Variants in CFTR observed in about 807,000 individuals in gnomAD.
CFTR encodes the protein CF transmembrane conductance regulator.
A neutral mutation model predicts 171.6 loss-of-function variants in CFTR; 181 were observed. The observed-to-expected ratio is 1.05, with a 90% confidence interval of 0.93 to 1.19. The LOEUF (loss-of-function observed/expected upper bound fraction) is 1.19, where lower values mean the gene tolerates loss of function less well. Ranked by LOEUF, CFTR falls within the 50% of genes most tolerant of loss-of-function variation. CFTR has a pLI of 0.00. For missense variants in CFTR, 1,968 were observed against 1,734.7 expected (o/e 1.13, Z -2.39); for synonymous variants, 583 against 608.0 (o/e 0.96, Z 0.60).
chr7:117,641,894 G>A (rs1015742444), intron 22 of CFTR, among the ~76,000 whole-genome samples: 1 of 152,162 alleles, frequency 6.6e-6, no homozygotes, highest in Non-Finnish European at 1.5e-5. Context: ...GAGTGGTAAG[G>A]CCTTCGCCCA....
chr7:117,571,199 A>G (rs1791682336), intron 11 of CFTR, among the ~76,000 whole-genome samples: 1 of 152,212 alleles, frequency 6.6e-6, no homozygotes, highest in South Asian at 2.1e-4. Flanking sequence ...GAACTTCAGA[A>G]GTGATGGGTA....
intron 11 of CFTR, among the ~76,000 whole-genome samples, chr7:117,578,075 A>G (rs1027131270): frequency 6.6e-6 from 1 of 152,158 alleles, no homozygotes; most frequent in Non-Finnish European, 1.5e-5. Flanking sequence ...ATATGTGTAT[A>G]TACATGTACA....
chr7:117,584,532 G>A (rs1791900380), intron 11 of CFTR, among the ~76,000 whole-genome samples: 1 of 151,978 alleles, frequency 6.6e-6, no homozygotes, highest in African/African-American at 2.4e-5. Context: ...TTGTCTACTT[G>A]CCTATTTGTG....
At chr7:117,523,369 GTTTTGTT>G (rs921293553) in intron 3 of CFTR, among the ~76,000 whole-genome samples, 3 of 146,578 alleles carry the variant, frequency 2.0e-5, no homozygotes, top group Non-Finnish European at 4.5e-5. Context: ...TTTTTGTTTT[GTTTTGTT>G]TTTTGTTTTT....
intron 15 of CFTR, among the ~76,000 whole-genome samples, chr7:117,601,437 A>G (rs754163935): frequency 6.6e-6 from 1 of 152,134 alleles, no homozygotes; most frequent in Non-Finnish European, 1.5e-5. Flanking sequence ...TGATATGTGA[A>G]TTTAACTAAA....
intron 7 of CFTR, among the ~76,000 whole-genome samples, chr7:117,537,050 A>G (rs1279762794): frequency 1.3e-5 from 2 of 152,184 alleles, no homozygotes; most frequent in Non-Finnish European, 2.9e-5. Context: ...ATGATTCTCT[A>G]TTATTATATC....
In CFTR at chr7:117,587,751, T is replaced by A. The variant is rs397508238; in HGVS notation, c.1597T>A (p.Phe533Ile). 6.2e-7 allele frequency: 1 copy of A among 1,606,928 alleles called. No homozygotes were observed. Among genetic ancestry groups the A allele is most frequent in the Non-Finnish European group, 8.5e-7 (1 of 1,173,804 alleles). ...TTTTTGGTAATAGGACATCTCCAAG[T>A]TTGCAGAGAAAGACAATATAGTTCT... ...ACQLEEDISK[F>I]AEKDNIVLGE... The change falls in exon 12 of 27, where the codon TTT becomes ATT. Residue 533 changes from phenylalanine to isoleucine, a missense_variant. Coordinates refer to ENST00000003084, the MANE Select transcript of CFTR (RefSeq NM_000492.4).
chr7:117,627,673 G>C lies in CFTR; in HGVS notation c.3620G>C (p.Gly1207Ala). 2 of 1,613,020 alleles carry C rather than the reference G, an allele frequency of 1.2e-6. No individual in the cohort carries two copies. Among genetic ancestry groups the C allele is most frequent in the Non-Finnish European group, 1.7e-6 (2 of 1,179,274 alleles). The stretch of plus-strand genomic sequence containing the variant: ...AAGAAAGATGACATCTGGCCCTCAG[G>C]GGGCCAAATGACTGTCAAAGATCTC... Reference protein sequence around the residue: ...HVKKDDIWPSGGQMTVKDLTA... With the variant: ...HVKKDDIWPSAGQMTVKDLTA... The change falls in exon 22 of 27, where the codon GGG becomes GCG. Residue 1207 changes from glycine to alanine, a missense_variant. Physicochemically the swap from Gly to Ala is moderately conservative, Grantham distance 60. Coordinates refer to ENST00000003084, the MANE Select transcript of CFTR (RefSeq NM_000492.4).
intron 5 of CFTR, among the ~76,000 whole-genome samples, chr7:117,534,902 T>C (rs1268911757): frequency 6.6e-6 from 1 of 152,186 alleles, no homozygotes; most frequent in African/African-American, 2.4e-5. Flanking sequence ...TTCTTTGTTC[T>C]CTCATGTTCT....
rs185887955 is a variant in CFTR, at chr7:117,538,821, G to A, written c.870-1279G>A. The stretch of plus-strand genomic sequence containing the variant: ...GCCAAAATCATAATCTGTCTTCAGT[G>A]TCAAGTTACTGAAATTGGTAAACAT... On this transcript the variant is annotated intron_variant, in intron 7 of 26. Transcript: ENST00000003084. Among the ~76,000 whole-genome samples, 7 of 152,330 alleles carry A rather than the reference G, an allele frequency of 4.6e-5. No homozygotes were observed. The East Asian group carries it at 9.6e-4, about 21-fold the overall frequency.
Position 117,534,288 on chromosome 7 carries a change from T to C in CFTR, c.502T>C (p.Ser168Pro). The change falls in exon 5 of 27, where the codon TCA becomes CCA. Residue 168 changes from serine to proline, a missense_variant. Ser to Pro is a moderately conservative substitution (Grantham distance 74). Coordinates refer to ENST00000003084, the MANE Select transcript of CFTR (RefSeq NM_000492.4). ...SLIYKKTLKLSSRVLDKISIG... is the reference protein window; with the variant it reads ...SLIYKKTLKLPSRVLDKISIG... ...ATTTTTCTTTTAGACTTTAAAGCTG[T>C]CAAGCCGTGTTCTAGATAAAATAAG... 6.3e-7 allele frequency: 1 copy of C among 1,583,692 alleles called. No individual in the cohort carries two copies. Among genetic ancestry groups the C allele is most frequent in the Non-Finnish European group, 8.7e-7 (1 of 1,153,056 alleles).
chr7:117,512,172 G>T (rs1196456943), intron 3 of CFTR, among the ~76,000 whole-genome samples: 1 of 152,026 alleles, frequency 6.6e-6, no homozygotes, highest in Admixed American at 6.5e-5. Flanking sequence ...ACTGTGAAAG[G>T]TTAAAAAAAA....
At position 117,533,456 on chromosome 7, in the gene CFTR, G is replaced by A. The variant is rs185547215; in HGVS notation, c.490-820G>A. On this transcript the variant is annotated intron_variant, in intron 4 of 26. Transcript: ENST00000003084. ...TATTTAGTTATTTATATACTAGGTC[G>A]CCTTGAAGAAGGGATTGTGTTTTCA... is the stretch of plus-strand genomic sequence containing the variant. 2.4e-4 allele frequency among the ~76,000 whole-genome samples: 36 copies of A among 152,072 alleles called. 1 individual carries two copies. Among genetic ancestry groups the A allele is most frequent in the Admixed American group, 1.5e-3 (23 of 15,260 alleles).
chr7:117,562,131 C>T (rs1236833183), intron 11 of CFTR, among the ~76,000 whole-genome samples: 4 of 152,246 alleles, frequency 2.6e-5, no homozygotes, highest in African/African-American at 9.6e-5. Context: ...CTTGTATTAT[C>T]TCCCTTTGAG....
In CFTR at chr7:117,611,781, G is replaced by A; in HGVS notation, c.3340G>A (p.Val1114Ile). 6.2e-7 allele frequency: 1 copy of A among 1,612,290 alleles called. No homozygotes were observed. Among genetic ancestry groups the A allele is most frequent in the Non-Finnish European group, 8.5e-7 (1 of 1,178,962 alleles). ...EMIFVIFFIA[V>I]TFISILTTGE... Reference sequence around the variant, plus strand: ...GATTTTTGTCATCTTCTTCATTGCTGTTACCTTCATTTCCATTTTAACAAC... The same window carrying A: ...GATTTTTGTCATCTTCTTCATTGCTATTACCTTCATTTCCATTTTAACAAC... Residue 1114 changes from valine (V) to isoleucine (I), a missense_variant, in exon 20 of 27, where the codon GTT becomes ATT. Transcript: ENST00000003084.
chr7:117,519,208 T>C (rs1249579946), intron 3 of CFTR, among the ~76,000 whole-genome samples: 1 of 152,112 alleles, frequency 6.6e-6, no homozygotes, highest in Non-Finnish European at 1.5e-5. Context: ...CTATAAACAA[T>C]TGTGGCAAAA....
chr7:117,654,261 A>G (rs933446730), intron 24 of CFTR, among the ~76,000 whole-genome samples: 3 of 152,116 alleles, frequency 2.0e-5, no homozygotes, highest in Non-Finnish European at 4.4e-5. Flanking sequence ...TGTGGGCTCT[A>G]TGTGGTGACC....
At position 117,633,799 on chromosome 7, in the gene CFTR, A is replaced by G. The variant is rs145271116; in HGVS notation, c.3717+6029A>G. On this transcript the variant is annotated intron_variant, in intron 22 of 26. Coordinates refer to ENST00000003084, the MANE Select transcript of CFTR (RefSeq NM_000492.4). ...TCTTTGGCTTGTTGATGTGAAGTACATTAATTGATTTTTGAATGCTGAATC... is the reference window on the plus strand; with the variant it reads ...TCTTTGGCTTGTTGATGTGAAGTACGTTAATTGATTTTTGAATGCTGAATC... Among the ~76,000 whole-genome samples the G allele has an allele frequency of 6.7e-4, 102 of 152,212 alleles. No homozygotes were observed. Among genetic ancestry groups the G allele is most frequent in the African/African-American group, 2.3e-3 (94 of 41,564 alleles).
intron 3 of CFTR, among the ~76,000 whole-genome samples, chr7:117,522,789 C>T (rs1798703892): frequency 1.3e-5 from 2 of 151,946 alleles, no homozygotes; most frequent in Non-Finnish European, 2.9e-5. Flanking sequence ...TGAAGGATTG[C>T]ACTTCATAGG....
Sources: gnomAD v4.1 joint callset for allele counts (sites outside exome capture counted in the v4.1 genomes callset) on GRCh38, gnomAD v4.1.1 for gene constraint, MANE v1.5 for transcripts, NCBI Gene and HGNC (gene_info 2026-07-23, HGNC 2026-07-21) for gene names.